Variants in ZNF730 observed in about 807,000 individuals in gnomAD.
The protein encoded by ZNF730 is putative zinc finger protein 730.
Under a neutral mutation model 12.6 loss-of-function variants are expected in ZNF730, and 12 were observed. That is an observed-to-expected ratio of 0.95 (90% CI 0.61 to 1.54). The LOEUF (loss-of-function observed/expected upper bound fraction) is 1.54, where lower values mean the gene tolerates loss of function less well. Among genes scored for constraint, ZNF730 ranks in the 40% most tolerant of loss-of-function variants. ZNF730 has a pLI of 0.00. For synonymous variants in ZNF730, 194 were observed against 195.8 expected (o/e 0.99, Z 0.08); for missense variants, 643 against 583.5 (o/e 1.10, Z -1.05).
At chr19:23,128,289 C>T (rs1970696070) in intron 1 of ZNF730, 1 of 680,024 alleles carries the variant, frequency 1.5e-6, no homozygotes, top group Non-Finnish European at 2.7e-6. Flanking sequence ...TTGCAGATTA[C>T]ATGCACTACT....
Position 23,136,166 on chromosome 19 carries a change from TTTTA to T in ZNF730, c.226+131_226+134del, listed in dbSNP as rs1262447214. 39 of 685,742 alleles carry T rather than the reference TTTTA, an allele frequency of 5.7e-5. No individual in the cohort carries two copies. In the Middle Eastern group the frequency reaches 3.2e-3, roughly 57 times the overall value. The allele number at this position is 685,742 out of a possible 1,614,324, so 42.5% of individuals were successfully genotyped here. A position where few individuals can be genotyped will look rare whatever the true frequency, so the allele number is the denominator to read the frequency against. On this transcript the variant is annotated intron_variant, in intron 3 of 3. Transcript: ENST00000597761. The stretch of plus-strand genomic sequence containing the variant: ...TACAAAGGAAATAGTTTCTGTTTCT[TTTTA>T]TTTATTTTGCTTTTTATTTATTTTT...
chr19:23,084,711 T>C (rs919473849), intron 1 of ZNF730, among the ~76,000 whole-genome samples: 3 of 152,204 alleles, frequency 2.0e-5, no homozygotes, highest in Non-Finnish European at 4.4e-5. Flanking sequence ...GAACATGCAG[T>C]ATTTGGTTTT....
intron 1 of ZNF730, among the ~76,000 whole-genome samples, chr19:23,122,601 C>G (rs1970613151): frequency 6.6e-6 from 1 of 152,172 alleles, no homozygotes; most frequent in African/African-American, 2.4e-5. Context: ...GGCTAAAGTA[C>G]TTACACTGCA....
intron 1 of ZNF730, among the ~76,000 whole-genome samples, chr19:23,101,043 G>A (rs1330107942): frequency 6.6e-6 from 1 of 152,166 alleles, no homozygotes; most frequent in East Asian, 1.9e-4. Context: ...GATAGATGTT[G>A]ATGCTCATAT....
At chr19:23,127,854 C>T in intron 1 of ZNF730, 2 of 659,276 alleles carry the variant, frequency 3.0e-6, no homozygotes, top group South Asian at 1.7e-5. Flanking sequence ...TTGCTTATAC[C>T]CGTATAGAAG....
Position 23,129,581 on chromosome 19 carries a change from C to A in ZNF730, c.4-4499C>A, listed in dbSNP as rs559212878. 4.0e-5 allele frequency among the ~76,000 whole-genome samples: 6 copies of A among 151,078 alleles called. No homozygotes were observed. In the East Asian group the frequency reaches 1.2e-3, roughly 29 times the overall value. On this transcript the variant is annotated intron_variant, in intron 1 of 3. Coordinates refer to ENST00000597761, the MANE Select transcript of ZNF730 (RefSeq NM_001277403.2). ...TTACCCAATGCTTGTATCCCCCCCC[C>A]CATTATATCAGGGAAGTAACTAACT...
At chr19:23,144,141 C>T (rs1421016023) in intron 3 of ZNF730, 1 of 151,762 alleles carries the variant, frequency 6.6e-6, no homozygotes, top group Non-Finnish European at 1.5e-5. Flanking sequence ...ATGTGTACAT[C>T]TTTTCTATGG....
chr19:23,086,634 C>G (rs925440568), intron 1 of ZNF730, among the ~76,000 whole-genome samples: 6 of 151,704 alleles, frequency 4.0e-5, no homozygotes, highest in Non-Finnish European at 8.8e-5. Context: ...CTATTCTGTT[C>G]CATTGGTCTG....
intron 1 of ZNF730, among the ~76,000 whole-genome samples, chr19:23,079,027 A>G (rs1224560300): frequency 6.6e-6 from 1 of 152,054 alleles, no homozygotes; most frequent in Non-Finnish European, 1.5e-5. Context: ...GCTGATCTCG[A>G]ACTCCTGACC....
chr19:23,091,007 A>C (rs551699673), intron 1 of ZNF730, among the ~76,000 whole-genome samples: 31 of 152,014 alleles, frequency 2.0e-4, no homozygotes, highest in African/African-American at 7.2e-4. Flanking sequence ...TCTCAAAAAA[A>C]AAAAAAAGAA....
chr19:23,099,778 G>C lies in ZNF730; in HGVS notation c.-94+24391G>C, dbSNP rs375454143. Among the ~76,000 whole-genome samples the C allele has an allele frequency of 8.1e-4, 124 of 152,260 alleles. 2 individuals carry two copies. The South Asian group carries it at 0.025, about 31-fold the overall frequency. On this transcript the variant is annotated intron_variant, in intron 1 of 2. Coordinates refer to the ZNF730 transcript ENST00000593635. ...AATGTCACCAAAAGACCTTCTTATAGGTGTGATTGTGACATGTGCCTCTGC... is the reference window on the plus strand; with the variant it reads ...AATGTCACCAAAAGACCTTCTTATACGTGTGATTGTGACATGTGCCTCTGC...
chr19:23,099,282 T>A (rs1160757183), intron 1 of ZNF730, among the ~76,000 whole-genome samples: 1 of 152,120 alleles, frequency 6.6e-6, no homozygotes, highest in Admixed American at 6.6e-5. Context: ...ATACCTAGAC[T>A]TAGAGCCGCA....
intron 1 of ZNF730, chr19:23,128,471 T>A: frequency 3.1e-6 from 1 of 325,990 alleles, no homozygotes; most frequent in Non-Finnish European, 5.9e-6. Flanking sequence ...AAAATGTCCC[T>A]TGCTCAAAAG....
intron 1 of ZNF730, among the ~76,000 whole-genome samples, chr19:23,099,500 C>T (rs917112503): frequency 2.0e-5 from 3 of 152,186 alleles, no homozygotes; most frequent in African/African-American, 7.2e-5. Context: ...CTGAATCTCA[C>T]ATTGGGAGGC....
upstream of ZNF730, among the ~76,000 whole-genome samples, chr19:23,114,305 C>CT (rs869304180): frequency 4.1e-3 from 425 of 103,506 alleles, 35 homozygotes; most frequent in African/African-American, 0.012. Flanking sequence ...TTTTTCTTTT[C>CT]TTTTTTTTTT....
At chr19:23,105,659 A>G (rs1367466048) in intron 1 of ZNF730, among the ~76,000 whole-genome samples, 1 of 152,234 alleles carries the variant, frequency 6.6e-6, no homozygotes, top group African/African-American at 2.4e-5. Flanking sequence ...TGTTATATAT[A>G]CATTTATCAT....
chr19:23,096,399 GC>G (rs1270133991), intron 1 of ZNF730, among the ~76,000 whole-genome samples: 3 of 152,098 alleles, frequency 2.0e-5, no homozygotes, highest in African/African-American at 7.2e-5. Flanking sequence ...TCCTACATGG[GC>G]CCCCACCCAT....
At chr19:23,097,773 G>A (rs781591281) in intron 1 of ZNF730, among the ~76,000 whole-genome samples, 16 of 152,146 alleles carry the variant, frequency 1.1e-4, no homozygotes, top group Non-Finnish European at 1.9e-4. Flanking sequence ...CCTAGGTTAT[G>A]GTTTCTGTGA....
chr19:23,139,431 A>G (rs1020573669), intron 3 of ZNF730, among the ~76,000 whole-genome samples: 6 of 152,192 alleles, frequency 3.9e-5, no homozygotes, highest in Non-Finnish European at 7.3e-5. Flanking sequence ...TTTTACTACC[A>G]TATAGTGGAT....
Sources: gnomAD v4.1 joint callset for allele counts (sites outside exome capture counted in the v4.1 genomes callset) on GRCh38, gnomAD v4.1.1 for gene constraint, MANE v1.5 for transcripts, NCBI Gene and HGNC (gene_info 2026-07-23, HGNC 2026-07-21) for gene names.